The following NLE1 variants were observed in gnomAD, a reference collection of about 807,000 sequenced individuals.
NLE1 encodes the protein notchless protein homolog 1.
Under a neutral mutation model 62.8 loss-of-function variants are expected in NLE1, and 37 were observed. The observed-to-expected ratio is 0.59, with a 90% CI of 0.45 to 0.78. The LOEUF (loss-of-function observed/expected upper bound fraction) is 0.78, where lower values mean the gene tolerates loss of function less well. Among genes scored for constraint, NLE1 ranks in the 30% least tolerant of loss-of-function variants. The pLI, the probability that NLE1 is intolerant of heterozygous loss-of-function variation, is 0.00. For missense variants in NLE1, 555 were observed against 637.9 expected (o/e 0.87, Z 1.40); for synonymous variants, 243 against 253.0 (o/e 0.96, Z 0.37).
At position 35,142,045 on chromosome 17, in the gene NLE1, C is replaced by A; in HGVS notation, c.96G>T (p.Pro32=). ...QDEGGQLLGS[P]FDVPVDITPD... is the part of the protein sequence containing the mutation. ...GGGTGATGTCCACGGGCACGTCGAA[C>A]GGGGAACCCAGCAGCTGCCCGCCCT... The change falls in exon 2 of 13, where the codon CCG becomes CCT. Residue 32 remains proline, a synonymous_variant. Transcript: ENST00000442241. 1 of 1,612,116 alleles carries A rather than the reference C, an allele frequency of 6.2e-7. No individual in the cohort carries two copies. The highest frequency in any genetic ancestry group is 8.5e-7 in the Non-Finnish European group (1 of 1,179,662).
chr17:35,134,018 C>G (rs1232729604), intron 10 of NLE1, among the ~76,000 whole-genome samples: 1 of 152,160 alleles, frequency 6.6e-6, no homozygotes, highest in Non-Finnish European at 1.5e-5. Context: ...GCAGAGGTCC[C>G]CCCTTCAGCC....
chr17:35,139,639 G>A (rs918117748), intron 3 of NLE1, among the ~76,000 whole-genome samples: 1 of 152,204 alleles, frequency 6.6e-6, no homozygotes, highest in Non-Finnish European at 1.5e-5. Flanking sequence ...TCAAGTCTAG[G>A]AGAGGTTTGT....
chr17:35,135,060 C>A, intron 10 of NLE1, 189 bp downstream of exon 10: 1 of 688,364 alleles, frequency 1.5e-6, no homozygotes, highest in Non-Finnish European at 2.6e-6. Context: ...AAAGTCATCT[C>A]TAAAAACAAA....
chr17:35,129,849 C>A lies in NLE1; in HGVS notation c.*2588G>T. On this transcript the variant is annotated 3_prime_UTR_variant, in exon 13 of 13. Coordinates refer to ENST00000442241, the MANE Select transcript of NLE1 (RefSeq NM_018096.5). ...GTTTAAGGATTAAGCCACTCTGGGG[C>A]CCACTAGGAATGCAAACGAATGTAT... 7.0e-7 allele frequency: 1 copy of A among 1,425,342 alleles called. No homozygotes were observed. Among genetic ancestry groups the A allele is most frequent in the Non-Finnish European group, 9.1e-7 (1 of 1,094,308 alleles). The allele number at this position is 1,425,342 out of a possible 1,614,324, so 88.3% of individuals were successfully genotyped here. A position where few individuals can be genotyped will look rare whatever the true frequency, so the allele number is the denominator to read the frequency against.
intron 12 of NLE1, 81 bp from the exon 13 acceptor site, chr17:35,132,530 CG>C: frequency 8.3e-7 from 1 of 1,205,992 alleles, no homozygotes; most frequent in Middle Eastern, 2.1e-4. Flanking sequence ...TGTCAACAGA[CG>C]GACGGCCTGT....
Position 35,129,118 on chromosome 17 carries a change from A to G in NLE1, c.*3319T>C. On this transcript the variant is annotated 3_prime_UTR_variant, in exon 13 of 13. Transcript: ENST00000442241. The stretch of plus-strand genomic sequence containing the variant: ...CCAATCTCCTCCTGCTGTGCTATCC[A>G]GTTCCTAACAGGCCATGGACTGCTA... The G allele has an allele frequency of 6.5e-6, 2 of 306,570 alleles. No individual in the cohort carries two copies. 19.0% of individuals were successfully genotyped at this position (306,570 alleles called of 1,614,324 possible). A position where few individuals can be genotyped will look rare whatever the true frequency, so the allele number is the denominator to read the frequency against.
In NLE1 at chr17:35,137,280, T is replaced by C. The variant is rs1315194925; in HGVS notation, c.636-87A>G. 5 of 1,275,502 alleles carry C rather than the reference T, an allele frequency of 3.9e-6. No individual in the cohort carries two copies. The African/African-American group carries it at 4.5e-5, about 11-fold the overall frequency. The allele number at this position is 1,275,502 out of a possible 1,614,324, so 79.0% of individuals were successfully genotyped here. On this transcript the variant is annotated intron_variant, in intron 6 of 12. Coordinates refer to ENST00000442241, the MANE Select transcript of NLE1 (RefSeq NM_018096.5). ...CTCCCCATTCCCAACTTAAAGGCCATGGACAATCTTTTGACAGCTTTTCTG... is the reference window on the plus strand; with the variant it reads ...CTCCCCATTCCCAACTTAAAGGCCACGGACAATCTTTTGACAGCTTTTCTG...
At position 35,136,501 on chromosome 17, in the gene NLE1, C is replaced by G. The variant is rs372608985; in HGVS notation, c.829-4G>C. On this transcript the variant is annotated splice_region_variant and splice_polypyrimidine_tract_variant and intron_variant, in intron 7 of 12. Transcript: ENST00000442241. Reference sequence around the variant, plus strand: ...GCAGAGTCCGGCACAGCACACCCTACGGGAGAGCGAGTCAGGTCAGACACA... The same window carrying G: ...GCAGAGTCCGGCACAGCACACCCTAGGGGAGAGCGAGTCAGGTCAGACACA... 6.2e-7 allele frequency: 1 copy of G among 1,608,830 alleles called. No homozygotes were observed. The highest frequency in any genetic ancestry group is 1.1e-5 in the South Asian group (1 of 90,900).
chr17:35,139,166 C>G, intron 4 of NLE1, 69 bp downstream of exon 4: 1 of 1,380,798 alleles, frequency 7.2e-7, no homozygotes, highest in Non-Finnish European at 1.0e-6. Context: ...GTACTCCATC[C>G]TGGTCAACAG....
chr17:35,133,645 G>A (rs2091891238), intron 10 of NLE1, 147 bp from the exon 11 acceptor site: 1 of 719,556 alleles, frequency 1.4e-6, no homozygotes, highest in Admixed American at 2.7e-5. Context: ...ACACTGCCTG[G>A]TCCCCATCCC....
chr17:35,142,150 G>C, intron 1 of NLE1, 28 bp from the exon 2 acceptor site: 1 of 1,608,254 alleles, frequency 6.2e-7, no homozygotes, highest in Non-Finnish European at 8.5e-7. Context: ...GCGGGAGTCA[G>C]TCTGGTCGCC....
intron 4 of NLE1, among the ~76,000 whole-genome samples, chr17:35,138,493 G>A (rs1183434327): frequency 6.6e-6 from 1 of 152,056 alleles, no homozygotes; most frequent in Non-Finnish European, 1.5e-5. Context: ...ACCCAGGCTG[G>A]AGTGCAGTGG....
chr17:35,136,293 C>T, intron 8 of NLE1, 69 bp downstream of exon 8: 2 of 1,611,046 alleles, frequency 1.2e-6, no homozygotes, highest in Non-Finnish European at 1.7e-6. Flanking sequence ...AGAGCAAACA[C>T]TCCCCATTAA....
chr17:35,136,079 G>GTCTA, intron 9 of NLE1, 90 bp downstream of exon 9: 1 of 1,335,284 alleles, frequency 7.5e-7, no homozygotes. Context: ...TCTGAGCTGG[G>GTCTA]TCTAGAAGGG....
intron 10 of NLE1, among the ~76,000 whole-genome samples, chr17:35,133,815 A>T (rs533411059): frequency 6.6e-6 from 1 of 152,042 alleles, no homozygotes; most frequent in African/African-American, 2.4e-5. Context: ...TCATCCCCCC[A>T]AACAGCAAGT....
At chr17:35,136,586 A>C in intron 7 of NLE1, 89 bp from the exon 8 acceptor site, 2 of 1,473,168 alleles carry the variant, frequency 1.4e-6, no homozygotes, top group African/African-American at 1.4e-5. Flanking sequence ...AAGACTAATA[A>C]TCATCATCAC....
At chr17:35,139,012 C>T (rs1028412327) in intron 4 of NLE1, among the ~76,000 whole-genome samples, 3 of 152,086 alleles carry the variant, frequency 2.0e-5, no homozygotes, top group Non-Finnish European at 2.9e-5. Flanking sequence ...AGACCCTCAT[C>T]TGTATGAAAA....
intron 8 of NLE1, 44 bp downstream of exon 8, chr17:35,136,318 T>A: frequency 6.2e-7 from 1 of 1,607,868 alleles, no homozygotes; most frequent in Non-Finnish European, 8.5e-7. Flanking sequence ...GAGAACTGGC[T>A]CCTTCCCAAT....
chr17:35,130,717 T>G lies in NLE1; in HGVS notation c.*1720A>C, dbSNP rs144114128. 9.6e-5 allele frequency: 38 copies of G among 394,322 alleles called. No individual in the cohort carries two copies. In the Middle Eastern group the frequency reaches 2.1e-3, roughly 22 times the overall value. The allele number at this position is 394,322 out of a possible 1,614,324, so 24.4% of individuals were successfully genotyped here. A position where few individuals can be genotyped will look rare whatever the true frequency, so the allele number is the denominator to read the frequency against. Reference sequence around the variant, plus strand: ...GGGTCTAGGTCCCTCATTAAAGAACTGCAGGTCATCCAGCACCCTAAAGTC... The same window carrying G: ...GGGTCTAGGTCCCTCATTAAAGAACGGCAGGTCATCCAGCACCCTAAAGTC... On this transcript the variant is annotated 3_prime_UTR_variant, in exon 13 of 13. Coordinates refer to ENST00000442241, the MANE Select transcript of NLE1 (RefSeq NM_018096.5).
Sources: gnomAD v4.1 joint callset for allele counts (sites outside exome capture counted in the v4.1 genomes callset) on GRCh38, gnomAD v4.1.1 for gene constraint, MANE v1.5 for transcripts, NCBI Gene and HGNC (gene_info 2026-07-23, HGNC 2026-07-21) for gene names.